The following LUZP2 variants were observed in gnomAD, a reference collection of about 807,000 sequenced individuals.
The protein encoded by LUZP2 is leucine zipper protein 2.
Under a neutral mutation model 51.6 loss-of-function variants are expected in LUZP2, and 52 were observed. That is an observed-to-expected ratio of 1.01 (90% CI 0.81 to 1.27). LUZP2 has a LOEUF of 1.27. Ranked by LOEUF, LUZP2 falls within the 50% of genes most tolerant of loss-of-function variation. The pLI, the probability that LUZP2 is intolerant of heterozygous loss-of-function variation, is 0.00. For missense variants in LUZP2, 436 were observed against 395.4 expected (o/e 1.10, Z -0.87); for synonymous variants, 154 against 137.3 (o/e 1.12, Z -0.85).
intron 8 of LUZP2, 79 bp downstream of exon 8, chr11:24,976,744 C>T (rs1280637712): frequency 3.0e-5 from 21 of 693,758 alleles, no homozygotes; most frequent in African/African-American, 5.8e-5. Context: ...AAAGTATGCT[C>T]ATTGCTTTTC....
chr11:24,624,696 A>G (rs893618698), intron 1 of LUZP2, among the ~76,000 whole-genome samples: 3 of 152,154 alleles, frequency 2.0e-5, no homozygotes, highest in Non-Finnish European at 4.4e-5. Context: ...GGAAAGGCAT[A>G]CCTGCACTTT....
At chr11:24,960,461 T>TAG (rs1472411197) in intron 7 of LUZP2, among the ~76,000 whole-genome samples, 1 of 139,826 alleles carries the variant, frequency 7.2e-6, no homozygotes, top group Non-Finnish European at 1.6e-5. Context: ...ATTCAACTTC[T>TAG]TCCTGGTTTA....
intron 5 of LUZP2, among the ~76,000 whole-genome samples, chr11:24,884,225 G>T (rs1852593457): frequency 6.6e-6 from 1 of 151,946 alleles, no homozygotes; most frequent in Non-Finnish European, 1.5e-5. Flanking sequence ...ACATGCATCT[G>T]GGATTAGACA....
Position 24,754,824 on chromosome 11 carries a change from C to G in LUZP2, c.334-8422C>G, listed in dbSNP as rs1048005293. On this transcript the variant is annotated intron_variant, in intron 4 of 11. Coordinates refer to ENST00000336930, the MANE Select transcript of LUZP2 (RefSeq NM_001009909.4). ...GCTGTAGGTCCTGCATCAATGCAAA[C>G]ATGTTCTTCTACTCTGCATCATTTA... Among the ~76,000 whole-genome samples the G allele has an allele frequency of 6.6e-5, 10 of 152,148 alleles. 1 individual carries two copies. Among genetic ancestry groups the G allele is most frequent in the Admixed American group, 3.3e-4 (5 of 15,268 alleles).
intron 1 of LUZP2, among the ~76,000 whole-genome samples, chr11:24,666,980 A>C (rs1423350099): frequency 6.6e-6 from 1 of 152,068 alleles, no homozygotes; most frequent in Non-Finnish European, 1.5e-5. Flanking sequence ...TGTGTATGTC[A>C]CCTAACCCTT....
intron 1 of LUZP2, 32 bp downstream of exon 1, chr11:24,497,337 AG>A: frequency 6.8e-7 from 1 of 1,470,690 alleles, no homozygotes; most frequent in Non-Finnish European, 9.1e-7. Context: ...ACCTGAGGCC[AG>A]GGGCGCTGCC....
chr11:24,589,304 T>C (rs11028040), intron 1 of LUZP2, among the ~76,000 whole-genome samples: 26,264 of 152,098 alleles, frequency 0.17, 2,747 homozygotes, highest in Middle Eastern at 0.34. Flanking sequence ...TTTCCCTAGT[T>C]ACCTTGTTCC....
chr11:24,828,047 A>G (rs1850594559), intron 5 of LUZP2, among the ~76,000 whole-genome samples: 1 of 151,946 alleles, frequency 6.6e-6, no homozygotes, highest in African/African-American at 2.4e-5. Context: ...ACACACACAC[A>G]CATACACACA....
At chr11:24,721,865 T>G (rs1858283482) in intron 1 of LUZP2, among the ~76,000 whole-genome samples, 1 of 152,150 alleles carries the variant, frequency 6.6e-6, no homozygotes, top group South Asian at 2.1e-4. Flanking sequence ...ATTTAAACTT[T>G]TAGACTCTTG....
intron 9 of LUZP2, among the ~76,000 whole-genome samples, chr11:24,992,589 T>C (rs1487366945): frequency 6.6e-6 from 1 of 152,144 alleles, no homozygotes; most frequent in Non-Finnish European, 1.5e-5. Context: ...CAATTAATAT[T>C]TGTTGAATGA....
intron 5 of LUZP2, among the ~76,000 whole-genome samples, chr11:24,867,985 T>C (rs985218804): frequency 6.6e-6 from 1 of 152,184 alleles, no homozygotes; most frequent in Non-Finnish European, 1.5e-5. Context: ...ATATATAGAA[T>C]GTAAGTTTTC....
At chr11:24,753,708 G>T (rs1022534058) in intron 4 of LUZP2, among the ~76,000 whole-genome samples, 2 of 152,032 alleles carry the variant, frequency 1.3e-5, no homozygotes, top group South Asian at 4.2e-4. Flanking sequence ...CTTGTCCCAG[G>T]AACTTCTCTT....
chr11:24,623,621 A>G (rs558050362), intron 1 of LUZP2, among the ~76,000 whole-genome samples: 102 of 152,234 alleles, frequency 6.7e-4, no homozygotes, highest in African/African-American at 2.4e-3. Context: ...CAAGGCAGGC[A>G]GATTACCTAA....
chr11:24,743,815 T>A (rs1408126671), intron 4 of LUZP2, among the ~76,000 whole-genome samples: 2 of 152,092 alleles, frequency 1.3e-5, no homozygotes, highest in Non-Finnish European at 2.9e-5. Context: ...TAGTATTATG[T>A]CAGCTGTGGG....
rs551539791 is a variant in LUZP2 at position 24,526,928 on chromosome 11, G to A, written c.62+29623G>A. On this transcript the variant is annotated intron_variant, in intron 1 of 11. Transcript: ENST00000336930. ...CTGTTTGAAGGTGGCACTCTAAGGG[G>A]TCTTAAACATGAACTATCCTAGCTT... Among the ~76,000 whole-genome samples, 24 of 151,410 alleles carry A rather than the reference G, an allele frequency of 1.6e-4. No homozygotes were observed. In the South Asian group the frequency reaches 4.6e-3, roughly 29 times the overall value.
At chr11:25,014,597 G>A (rs1857088851) in intron 9 of LUZP2, among the ~76,000 whole-genome samples, 1 of 152,126 alleles carries the variant, frequency 6.6e-6, no homozygotes, top group African/African-American at 2.4e-5. Context: ...TGATGGGGTT[G>A]TTTGTCTTTT....
intron 5 of LUZP2, among the ~76,000 whole-genome samples, chr11:24,795,812 A>C (rs1477347639): frequency 6.6e-6 from 1 of 152,082 alleles, no homozygotes; most frequent in Non-Finnish European, 1.5e-5. Context: ...CTTGTCTCCA[A>C]GTACTTCAGT....
At chr11:24,847,013 T>A (rs929291495) in intron 5 of LUZP2, among the ~76,000 whole-genome samples, 3 of 151,820 alleles carry the variant, frequency 2.0e-5, no homozygotes, top group Non-Finnish European at 4.4e-5. Context: ...TCCATATATA[T>A]GCATACATAC....
intron 5 of LUZP2, among the ~76,000 whole-genome samples, chr11:24,793,451 G>T (rs1849461353): frequency 6.6e-6 from 1 of 152,128 alleles, no homozygotes; most frequent in Non-Finnish European, 1.5e-5. Context: ...GCTCACAGAT[G>T]GGTTTGCAGT....
Sources: allele counts gnomAD v4.1 joint callset (sites outside exome capture counted in the v4.1 genomes callset), GRCh38; gene constraint gnomAD v4.1.1; transcripts MANE v1.5; gene names NCBI Gene and HGNC (gene_info 2026-07-23, HGNC 2026-07-21).